MRPL45: variants seen among roughly 807,000 people sequenced by gnomAD.
MRPL45 encodes the protein mitochondrial ribosomal protein L45, also known as large ribosomal subunit protein mL45.
In MRPL45, 20 loss-of-function variants were observed where a neutral mutation model predicts 38.1. The observed-to-expected ratio is 0.53, with a 90% CI of 0.37 to 0.76. The LOEUF (loss-of-function observed/expected upper bound fraction) is 0.76, where lower values mean the gene tolerates loss of function less well. Ranked by LOEUF, MRPL45 falls within the 30% of genes least tolerant of loss-of-function variation. MRPL45 has a pLI of 0.00. For missense variants in MRPL45, 337 were observed against 395.6 expected (o/e 0.85, Z 1.26); for synonymous variants, 105 against 128.8 (o/e 0.82, Z 1.25).
At chr17:38,308,615 A>G (rs1467125269) in intron 4 of MRPL45, among the ~76,000 whole-genome samples, 1 of 151,450 alleles carries the variant, frequency 6.6e-6, no homozygotes, top group Non-Finnish European at 1.5e-5. Flanking sequence ...TATTTTCTGT[A>G]TTTTTAATAG....
intron 7 of MRPL45, 45 bp from the exon 8 acceptor site, chr17:38,322,464 G>T: frequency 6.5e-7 from 1 of 1,546,006 alleles, no homozygotes; most frequent in Admixed American, 1.7e-5. Flanking sequence ...TTCTGGGTCA[G>T]CCATGGGCTT....
At chr17:38,320,946 A>T (rs867247367) in intron 6 of MRPL45, among the ~76,000 whole-genome samples, 179 bp downstream of exon 6, 2 of 150,950 alleles carry the variant, frequency 1.3e-5, no homozygotes, top group Middle Eastern at 6.9e-3. Context: ...CTCTACTAAG[A>T]TGTGTGAGGA....
intron 4 of MRPL45, among the ~76,000 whole-genome samples, chr17:38,313,185 G>C (rs1486809275): frequency 6.7e-6 from 1 of 148,584 alleles, no homozygotes; most frequent in Non-Finnish European, 1.5e-5. Context: ...GGGGTTTCAT[G>C]TGTTAGCCAG....
At chr17:38,297,386 G>T (rs1212055765) in intron 1 of MRPL45, 137 bp downstream of exon 1, 1 of 804,284 alleles carries the variant, frequency 1.2e-6, no homozygotes, top group Non-Finnish European at 2.1e-6. Flanking sequence ...GGCTTAGGTG[G>T]ACAGGACCTA....
intron 6 of MRPL45, 70 bp downstream of exon 6, chr17:38,320,837 C>T: frequency 6.6e-7 from 1 of 1,508,094 alleles, no homozygotes; most frequent in Non-Finnish European, 9.2e-7. Context: ...CTCTGGAGTG[C>T]TGGGTATGGT....
At chr17:38,303,073 T>G (rs2037014868) in intron 3 of MRPL45, among the ~76,000 whole-genome samples, 1 of 151,868 alleles carries the variant, frequency 6.6e-6, no homozygotes, top group Admixed American at 6.6e-5. Flanking sequence ...ATAAATTCCT[T>G]TAACACACTT....
rs186342550 is a variant in MRPL45 at position 38,306,304 on chromosome 17, G to T, written c.363-229G>T. On this transcript the variant is annotated intron_variant, in intron 3 of 7. Transcript: ENST00000613675. ...GGCGCCTGTAGTGCCAGCTACTCAGGAGGCTGAGGCAGGAGAATGGCGTGA... is the reference window on the plus strand; with the variant it reads ...GGCGCCTGTAGTGCCAGCTACTCAGTAGGCTGAGGCAGGAGAATGGCGTGA... Among the ~76,000 whole-genome samples the T allele has an allele frequency of 5.8e-3, 879 of 151,904 alleles. 10 individuals carry two copies. Among genetic ancestry groups the T allele is most frequent in the African/African-American group, 0.019 (805 of 41,456 alleles).
At chr17:38,315,441 A>AT (rs764352350) in intron 4 of MRPL45, among the ~76,000 whole-genome samples, 82 of 147,036 alleles carry the variant, frequency 5.6e-4, no homozygotes, top group Non-Finnish European at 1.2e-3. Context: ...TTTTTTTCTA[A>AT]TTTTTTTGTA....
At chr17:38,320,301 T>C (rs1020254745) in intron 5 of MRPL45, among the ~76,000 whole-genome samples, 1 of 151,890 alleles carries the variant, frequency 6.6e-6, no homozygotes, top group Non-Finnish European at 1.5e-5. Context: ...ATTATGAAAG[T>C]GTATGGGAGG....
intron 5 of MRPL45, among the ~76,000 whole-genome samples, chr17:38,320,035 G>A (rs796717514): frequency 2.5e-4 from 38 of 152,236 alleles, no homozygotes; most frequent in African/African-American, 8.9e-4. Flanking sequence ...CCTGGGAGGC[G>A]GAGCTTGCAG....
At chr17:38,317,349 T>C (rs1047349414) in intron 4 of MRPL45, among the ~76,000 whole-genome samples, 2 of 152,168 alleles carry the variant, frequency 1.3e-5, no homozygotes, top group African/African-American at 2.4e-5. Context: ...GGGAAGCAGA[T>C]AGACATGTTA....
chr17:38,306,686 T>G, intron 4 of MRPL45, 55 bp downstream of exon 4: 1 of 1,601,376 alleles, frequency 6.2e-7, no homozygotes, highest in Admixed American at 1.8e-5. Flanking sequence ...GCTATTATTT[T>G]AGGCACAGTT....
Position 38,322,241 on chromosome 17 carries a change from G to A in MRPL45, c.776G>A (p.Trp259Ter), listed in dbSNP as rs2037237322. ...EKQLTNPYGS[W>*]RMHTKIVPPW... ...CAGTTGACAAACCCCTATGGAAGCT[G>A]GAGAATGCATACCAAGATCGTTCCC... is the stretch of plus-strand genomic sequence containing the variant. Residue 259 changes from tryptophan to a stop codon, truncating the protein, a stop_gained, in exon 7 of 8, where the codon TGG becomes TAG. Coordinates refer to ENST00000613675, the MANE Select transcript of MRPL45 (RefSeq NM_032351.6). LOFTEE classifies it high-confidence loss of function. The A allele has an allele frequency of 1.9e-6, 3 of 1,613,952 alleles. No individual in the cohort carries two copies. The highest frequency in any genetic ancestry group is 2.5e-6 in the Non-Finnish European group (3 of 1,180,014).
At chr17:38,300,019 T>C (rs7501802) in intron 3 of MRPL45, among the ~76,000 whole-genome samples, 14,596 of 148,062 alleles carry the variant, frequency 0.099, 1,129 homozygotes, top group Middle Eastern at 0.26. Context: ...GGATTACAGG[T>C]GAGAGCCACC....
At chr17:38,316,361 A>G (rs1048839963) in intron 4 of MRPL45, among the ~76,000 whole-genome samples, 1 of 151,940 alleles carries the variant, frequency 6.6e-6, no homozygotes, top group Non-Finnish European at 1.5e-5. Context: ...TCCCTTGTAT[A>G]ATTTCTGTCT....
intron 5 of MRPL45, among the ~76,000 whole-genome samples, chr17:38,319,521 C>T (rs1443175666): frequency 6.6e-6 from 1 of 152,118 alleles, no homozygotes; most frequent in Admixed American, 6.5e-5. Flanking sequence ...GTTTAAGGCA[C>T]AGGCTGAAGG....
chr17:38,318,567 C>G, intron 4 of MRPL45, 120 bp from the exon 5 acceptor site: 1 of 711,536 alleles, frequency 1.4e-6, no homozygotes, highest in Non-Finnish European at 2.6e-6. Context: ...CTGGCTTATA[C>G]TAGATGTGCC....
intron 4 of MRPL45, among the ~76,000 whole-genome samples, chr17:38,316,236 T>G (rs1207510765): frequency 6.6e-6 from 1 of 152,190 alleles, no homozygotes; most frequent in African/African-American, 2.4e-5. Flanking sequence ...CTATGTAATT[T>G]TAATTACCTT....
At chr17:38,308,682 C>T (rs1255645757) in intron 4 of MRPL45, among the ~76,000 whole-genome samples, 10 of 150,222 alleles carry the variant, frequency 6.7e-5, no homozygotes, top group African/African-American at 1.2e-4. Context: ...TCAAGTGATC[C>T]GCCCACCTCG....
Sources: allele counts gnomAD v4.1 joint callset (sites outside exome capture counted in the v4.1 genomes callset), GRCh38; gene constraint gnomAD v4.1.1; transcripts MANE v1.5; gene names NCBI Gene and HGNC (gene_info 2026-07-23, HGNC 2026-07-21).